Variants in ZNF248 observed in about 807,000 individuals in gnomAD.
ZNF248 encodes the protein KRAB protein domain.
Under a neutral mutation model 44.3 loss-of-function variants are expected in ZNF248, and 20 were observed. That is an observed-to-expected ratio of 0.45 (90% CI 0.32 to 0.66). The LOEUF (loss-of-function observed/expected upper bound fraction) is 0.66, where lower values mean the gene tolerates loss of function less well. Among genes scored for constraint, ZNF248 ranks in the 30% least tolerant of loss-of-function variants. The probability of loss-of-function intolerance (pLI) is 0.04; values close to 1 mark genes in which losing one functional copy is unlikely to be tolerated. For missense variants in ZNF248, 654 were observed against 677.0 expected, an observed-to-expected ratio of 0.97 and a Z score of 0.38; for synonymous variants, 224 against 229.0, an observed-to-expected ratio of 0.98 and a Z score of 0.20.
At chr10:37,809,288 T>TTATC (rs1165340381) in intron 6 of ZNF248, among the ~76,000 whole-genome samples, 4 of 152,006 alleles carry the variant, frequency 2.6e-5, no homozygotes, top group Admixed American at 1.3e-4. Flanking sequence ...TATTGTTTAT[T>TTATC]TATTTTTGAG....
rs2061138655 is a variant in ZNF248 at position 37,855,550 on chromosome 10, T to C, written c.15+746A>G. Among the ~76,000 whole-genome samples, 11 of 152,072 alleles carry C rather than the reference T, an allele frequency of 7.2e-5. No individual in the cohort carries two copies. In the South Asian group the frequency reaches 2.1e-3, roughly 29 times the overall value. On this transcript the variant is annotated intron_variant, in intron 3 of 5. Coordinates refer to ENST00000395867, the MANE Select transcript of ZNF248 (RefSeq NM_021045.3). ...CCTGGAGCAAAAAGAAAAGATGCCT[T>C]CATGAGGACTAGGGAGGGAATCAAA...
intron 6 of ZNF248, among the ~76,000 whole-genome samples, chr10:37,797,329 G>C (rs2049273853): frequency 1.3e-5 from 2 of 150,900 alleles, no homozygotes; most frequent in Admixed American, 1.3e-4. Context: ...CTAAATGAAA[G>C]AGCTAATACT....
At position 37,832,707 on chromosome 10, in the gene ZNF248, A is replaced by G. The variant is rs2056131972; in HGVS notation, c.648T>C (p.Tyr216=). 4 of 1,613,454 alleles carry G rather than the reference A, an allele frequency of 2.5e-6. No homozygotes were observed. The highest frequency in any genetic ancestry group is 3.4e-6 in the Non-Finnish European group (4 of 1,179,904). The change falls in exon 6 of 6, where the codon TAT becomes TAC. Residue 216 remains tyrosine (Y), a synonymous_variant. Transcript: ENST00000395867. ...SQPSFGQSFE[Y]SKNGQGFHDE... is the part of the protein sequence containing the mutation. ...CATGGAAGCCTTGTCCATTTTTACT[A>G]TACTCAAAAGATTGGCCAAAACTTG...
intron 6 of ZNF248, chr10:37,819,602 T>C: frequency 1.2e-6 from 1 of 844,922 alleles, no homozygotes; most frequent in Non-Finnish European, 2.1e-6. Context: ...CCTTTTTAGT[T>C]CCCCGATACG....
intron 6 of ZNF248, among the ~76,000 whole-genome samples, chr10:37,780,367 C>G (rs2047136542): frequency 6.6e-6 from 1 of 152,174 alleles, no homozygotes. Flanking sequence ...CGCCACATAT[C>G]TACAACTATC....
At position 37,831,066 on chromosome 10, in the gene ZNF248, ATATAAT is replaced by A; in HGVS notation, c.*543_*548del. On this transcript the variant is annotated 3_prime_UTR_variant, in exon 6 of 6. Transcript: ENST00000395867. ...CACACAAACATATGTACATACACAT[ATATAAT>A]TATGTCAACCTATAAAGACACCAAT... The A allele has an allele frequency of 2.4e-6, 3 of 1,274,456 alleles. No homozygotes were observed. The highest frequency in any genetic ancestry group is 2.8e-5 in the East Asian group (1 of 35,550). 78.9% of individuals were successfully genotyped at this position (1,274,456 alleles called of 1,614,324 possible).
At chr10:37,791,038 A>AT (rs1554813574) in intron 6 of ZNF248, among the ~76,000 whole-genome samples, 2 of 39,612 alleles carry the variant, frequency 5.0e-5, no homozygotes, top group Admixed American at 2.8e-4. Context: ...ATACTTTGTT[A>AT]TTTCTTTTTT....
At chr10:37,807,057 C>T (rs1299085261) in intron 6 of ZNF248, among the ~76,000 whole-genome samples, 1 of 152,010 alleles carries the variant, frequency 6.6e-6, no homozygotes, top group East Asian at 1.9e-4. Flanking sequence ...GGTCTCTGCT[C>T]ACTGCAAACT....
chr10:37,799,091 C>T (rs1309718857), intron 6 of ZNF248, among the ~76,000 whole-genome samples: 1 of 151,862 alleles, frequency 6.6e-6, no homozygotes, highest in Non-Finnish European at 1.5e-5. Flanking sequence ...TTTGACCAGC[C>T]AGAAGACAGT....
At chr10:37,772,002 C>T (rs2046263334), downstream of ZNF248, among the ~76,000 whole-genome samples, 1 of 152,196 alleles carries the variant, frequency 6.6e-6, no homozygotes, top group African/African-American at 2.4e-5. Context: ...TGCAGTGGCT[C>T]ATACCTGTAA....
downstream of ZNF248, among the ~76,000 whole-genome samples, chr10:37,774,724 C>A (rs556765752): frequency 4.6e-5 from 7 of 152,260 alleles, no homozygotes; most frequent in African/African-American, 1.4e-4. Flanking sequence ...GAGTTAAAGA[C>A]ATTTTCTTAG....
the ZNF248 span, among the ~76,000 whole-genome samples, chr10:37,769,770 C>G: frequency 6.6e-6 from 1 of 152,098 alleles, no homozygotes; most frequent in Non-Finnish European, 1.5e-5. Context: ...AAGTTCTGGC[C>G]AGGGCAATTA....
At chr10:37,760,846 A>T in the ZNF248 span, among the ~76,000 whole-genome samples, 1 of 152,212 alleles carries the variant, frequency 6.6e-6, no homozygotes, top group African/African-American at 2.4e-5. Context: ...GGGGAAAAAA[A>T]AGTATTATAA....
intron 3 of ZNF248, among the ~76,000 whole-genome samples, chr10:37,852,870 A>T (rs754938223): frequency 6.8e-6 from 1 of 147,664 alleles, no homozygotes; most frequent in African/African-American, 2.5e-5. Context: ...AAGGCAGATA[A>T]TTTTTTTTTT....
At chr10:37,857,072 A>T (rs982726568) in intron 1 of ZNF248, 113 bp downstream of exon 1, 1 of 152,316 alleles carries the variant, frequency 6.6e-6, no homozygotes, top group Non-Finnish European at 1.5e-5. Flanking sequence ...CGGAGGGGTG[A>T]TAACAGCATT....
rs1283284684 is a variant in ZNF248, at chr10:37,778,339, G to A, written c.331-1764C>T. The stretch of plus-strand genomic sequence containing the variant: ...TTTGGCTGCATAAATGTCTTCTTTT[G>A]AGAAATGTCTGTTCATGTCCTTTGC... On this transcript the variant is annotated intron_variant, in intron 6 of 6. Coordinates refer to the ZNF248 transcript ENST00000615949. Among the ~76,000 whole-genome samples, 37 of 152,262 alleles carry A rather than the reference G, an allele frequency of 2.4e-4. No homozygotes were observed. In the South Asian group the frequency reaches 2.5e-3, roughly 10 times the overall value.
At chr10:37,817,664 C>A (rs567767425) in intron 6 of ZNF248, among the ~76,000 whole-genome samples, 15 of 152,140 alleles carry the variant, frequency 9.9e-5, no homozygotes, top group Admixed American at 5.9e-4. Context: ...CAAATGAATT[C>A]TTTCAAATAT....
chr10:37,796,529 A>T (rs2049175727), intron 6 of ZNF248, among the ~76,000 whole-genome samples: 1 of 152,100 alleles, frequency 6.6e-6, no homozygotes, highest in Admixed American at 6.6e-5. Context: ...AATCTTTAAT[A>T]CTTGTAAGGA....
At chr10:37,837,487 TG>T in intron 5 of ZNF248, 129 bp downstream of exon 5, 1 of 705,014 alleles carries the variant, frequency 1.4e-6, no homozygotes, top group East Asian at 2.7e-5. Context: ...CAATTGTTTT[TG>T]ATCATTTCCA....
Sources: allele counts gnomAD v4.1 joint callset (sites outside exome capture counted in the v4.1 genomes callset), GRCh38; gene constraint gnomAD v4.1.1; transcripts MANE v1.5; gene names NCBI Gene and HGNC (gene_info 2026-07-23, HGNC 2026-07-21).